The following ZNF385B variants were observed in gnomAD, a reference collection of about 807,000 sequenced individuals.
The protein encoded by ZNF385B is zinc finger protein 385B, also known as zinc finger protein 533.
ZNF385B carries 23 observed loss-of-function variants against 39.2 expected under a neutral mutation model. The observed-to-expected ratio is 0.59, with a 90% CI of 0.42 to 0.83. ZNF385B has a LOEUF of 0.83. Ranked by LOEUF, ZNF385B falls within the 40% of genes least tolerant of loss-of-function variation. The pLI is 0.00. For synonymous variants in ZNF385B, 205 were observed against 222.6 expected (o/e 0.92, Z 0.70); for missense variants, 552 against 598.9 (o/e 0.92, Z 0.82).
intron 5 of ZNF385B, among the ~76,000 whole-genome samples, chr2:179,505,406 T>C (rs2057166151): frequency 6.6e-6 from 1 of 152,088 alleles, no homozygotes; most frequent in Non-Finnish European, 1.5e-5. Context: ...ACAACCTAAC[T>C]ACTCCTTTAG....
At chr2:179,763,724 G>T (rs1703530498) in intron 3 of ZNF385B, among the ~76,000 whole-genome samples, 1 of 151,972 alleles carries the variant, frequency 6.6e-6, no homozygotes, top group African/African-American at 2.4e-5. Context: ...TTTCCTTTGA[G>T]ACTTCTTCTT....
At chr2:179,855,616 TA>T (rs374420669) in intron 1 of ZNF385B, among the ~76,000 whole-genome samples, 30 of 152,334 alleles carry the variant, frequency 2.0e-4, no homozygotes, top group African/African-American at 7.0e-4. Flanking sequence ...CACTGACTTC[TA>T]AAAAATATGC....
At chr2:179,473,101 A>G (rs2052977074) in intron 6 of ZNF385B, among the ~76,000 whole-genome samples, 1 of 152,208 alleles carries the variant, frequency 6.6e-6, no homozygotes, top group Non-Finnish European at 1.5e-5. Context: ...TGCAGGGGAC[A>G]TAACAGACGA....
At chr2:179,750,827 G>C (rs1702626310) in intron 3 of ZNF385B, among the ~76,000 whole-genome samples, 1 of 152,018 alleles carries the variant, frequency 6.6e-6, no homozygotes, top group South Asian at 2.1e-4. Flanking sequence ...GCAATGATTT[G>C]TTATACATTC....
At chr2:179,557,920 T>G (rs552059437) in intron 3 of ZNF385B, among the ~76,000 whole-genome samples, 1 of 152,246 alleles carries the variant, frequency 6.6e-6, no homozygotes, top group African/African-American at 2.4e-5. Context: ...TTTTAATACT[T>G]CTTTTAATAT....
intron 3 of ZNF385B, among the ~76,000 whole-genome samples, chr2:179,581,046 C>T (rs1686449443): frequency 6.6e-6 from 1 of 152,116 alleles, no homozygotes; most frequent in African/African-American, 2.4e-5. Context: ...TGTAAATATC[C>T]TTAGGAAATA....
intron 6 of ZNF385B, among the ~76,000 whole-genome samples, chr2:179,472,601 T>C (rs2052898772): frequency 1.3e-5 from 2 of 152,216 alleles, no homozygotes; most frequent in African/African-American, 4.8e-5. Context: ...AGCTAAGTAA[T>C]TAATAGCCGA....
chr2:179,509,930 T>C (rs1046537266), intron 5 of ZNF385B, among the ~76,000 whole-genome samples: 3 of 152,186 alleles, frequency 2.0e-5, no homozygotes, highest in Non-Finnish European at 2.9e-5. Flanking sequence ...TTTCTCCAAA[T>C]CCCCTTATCA....
intron 5 of ZNF385B, among the ~76,000 whole-genome samples, chr2:179,496,711 A>G (rs950298589): frequency 6.6e-6 from 1 of 152,246 alleles, no homozygotes; most frequent in South Asian, 2.1e-4. Flanking sequence ...AAGGAAAAAA[A>G]TCTTTTATCC....
chr2:179,578,516 T>G (rs536950384), intron 3 of ZNF385B, among the ~76,000 whole-genome samples: 2 of 152,090 alleles, frequency 1.3e-5, no homozygotes, highest in African/African-American at 2.4e-5. Flanking sequence ...CTATGAGGCA[T>G]AGAATGAAAA....
At chr2:179,498,900 G>T (rs115622723) in intron 5 of ZNF385B, among the ~76,000 whole-genome samples, 1 of 151,714 alleles carries the variant, frequency 6.6e-6, no homozygotes, top group East Asian at 1.9e-4. Context: ...TTTGAAAAAT[G>T]TTACGGAAAA....
intron 6 of ZNF385B, among the ~76,000 whole-genome samples, chr2:179,473,451 G>A (rs916293411): frequency 8.5e-5 from 13 of 152,120 alleles, no homozygotes; most frequent in Non-Finnish European, 1.9e-4. Flanking sequence ...GACAGGCATT[G>A]AGCCAGGCAG....
At chr2:179,545,625 C>T (rs2060186152) in intron 3 of ZNF385B, among the ~76,000 whole-genome samples, 1 of 152,122 alleles carries the variant, frequency 6.6e-6, no homozygotes, top group African/African-American at 2.4e-5. Context: ...GTAGTTAGGA[C>T]AGGGATTCAA....
At chr2:179,792,966 T>C (rs1039216867) in intron 1 of ZNF385B, among the ~76,000 whole-genome samples, 4 of 152,212 alleles carry the variant, frequency 2.6e-5, no homozygotes, top group African/African-American at 9.6e-5. Flanking sequence ...TATCACCCAG[T>C]GTCTTCATTT....
At chr2:179,771,739 T>C (rs1468861993) in intron 1 of ZNF385B, among the ~76,000 whole-genome samples, 1 of 152,242 alleles carries the variant, frequency 6.6e-6, no homozygotes, top group Non-Finnish European at 1.5e-5. Context: ...CAAATATCTA[T>C]ATCTTCTCTT....
At chr2:179,528,872 T>C (rs1197314287) in intron 4 of ZNF385B, among the ~76,000 whole-genome samples, 6 of 152,222 alleles carry the variant, frequency 3.9e-5, no homozygotes, top group Non-Finnish European at 7.3e-5. Flanking sequence ...CTGGTGACTT[T>C]CCATGCTGCG....
chr2:179,503,877 TC>T (rs1424160502), intron 5 of ZNF385B, among the ~76,000 whole-genome samples: 166 of 142,772 alleles, frequency 1.2e-3, no homozygotes, highest in Middle Eastern at 3.6e-3. Flanking sequence ...TTTTTTTCAT[TC>T]TTTTTTTTTT....
At chr2:179,746,049 G>C in intron 3 of ZNF385B, 1 of 1,063,734 alleles carries the variant, frequency 9.4e-7, no homozygotes, top group Non-Finnish European at 1.1e-6. Context: ...CACTGTCAAT[G>C]TACAAGTCTG....
chr2:179,468,344 T>C (rs1420942493), intron 6 of ZNF385B, among the ~76,000 whole-genome samples: 2 of 152,208 alleles, frequency 1.3e-5, no homozygotes, highest in Non-Finnish European at 2.9e-5. Context: ...ACTTGCAGAA[T>C]AGAGAAATCA....
Sources: allele counts gnomAD v4.1 joint callset (sites outside exome capture counted in the v4.1 genomes callset), GRCh38; gene constraint gnomAD v4.1.1; transcripts MANE v1.5; gene names NCBI Gene and HGNC (gene_info 2026-07-23, HGNC 2026-07-21).